Variants in MAP7D1 observed in about 807,000 individuals in gnomAD.
The protein encoded by MAP7D1 is MAP7 domain containing 1, also known as MAP7 domain-containing protein 1.
Under a neutral mutation model 97.5 loss-of-function variants are expected in MAP7D1, and 30 were observed. The observed-to-expected ratio is 0.31, with a 90% CI of 0.23 to 0.42. MAP7D1 has a LOEUF of 0.42. Among genes scored for constraint, MAP7D1 ranks in the 10% least tolerant of loss-of-function variants. The probability of loss-of-function intolerance (pLI) is 1.00; values close to 1 mark genes in which losing one functional copy is unlikely to be tolerated. For missense variants in MAP7D1, 1,184 were observed against 1,179.5 expected, an observed-to-expected ratio of 1.00 and a Z score of -0.06; for synonymous variants, 536 against 477.1, an observed-to-expected ratio of 1.12 and a Z score of -1.61.
chr1:36,176,722 A>G lies in MAP7D1; in HGVS notation c.1259A>G (p.Lys420Arg), dbSNP rs751911313. ...SPVQKKEKKD[K>R]ERENEKEKSA... ...GTGCAGAAAAAGGAGAAGAAGGACA[A>G]GGAGCGGGAAAACGAGAAGGAGAAG... The change falls in exon 8 of 17, where the codon AAG becomes AGG. Residue 420 changes from lysine (K) to arginine (R), a missense_variant. By Grantham distance (26) the Lys-to-Arg change is conservative (BLOSUM62 2). Coordinates refer to ENST00000474796, the MANE Select transcript of MAP7D1 (RefSeq NM_001388490.1). The surrounding 1 kb of genome is among the most constrained non-coding windows in gnomAD (Gnocchi z 6.1). 6.2e-7 allele frequency: 1 copy of G among 1,603,888 alleles called. No homozygotes were observed. Among genetic ancestry groups the G allele is most frequent in the East Asian group, 2.2e-5 (1 of 44,524 alleles).
In MAP7D1 at chr1:36,178,598, T is replaced by C; in HGVS notation, c.1886+2T>C. ...GAGGCTGCAGGCAGAAAGGGACAAG[T>C]GAGTGCGCCTCGGGGACTGAGGGGG... On this transcript the variant is annotated splice_donor_variant, in intron 10 of 16. Coordinates refer to ENST00000474796, the MANE Select transcript of MAP7D1 (RefSeq NM_001388490.1). LOFTEE classifies it high-confidence loss of function. 6.4e-7 allele frequency: 1 copy of C among 1,572,674 alleles called. No homozygotes were observed. The highest frequency in any genetic ancestry group is 2.3e-5 in the East Asian group (1 of 42,882).
At chr1:36,161,263 G>T in intron 1 of MAP7D1, among the ~76,000 whole-genome samples, 1 of 152,198 alleles carries the variant, frequency 6.6e-6, no homozygotes, top group African/African-American at 2.4e-5. Context: ...GCTCTGTCCA[G>T]GCCAGGGATA....
intron 1 of MAP7D1, among the ~76,000 whole-genome samples, chr1:36,165,264 C>T (rs1462177309): frequency 4.6e-5 from 7 of 152,046 alleles, no homozygotes; most frequent in South Asian, 2.1e-4. Flanking sequence ...GCTGAGACTA[C>T]AGGTGTGCAC....
At position 36,174,293 on chromosome 1, in the gene MAP7D1, C is replaced by T. The variant is rs565093406; in HGVS notation, c.740-605C>T. 9.2e-5 allele frequency among the ~76,000 whole-genome samples: 14 copies of T among 152,300 alleles called. No individual in the cohort carries two copies. In the South Asian group the frequency reaches 2.1e-3, roughly 23 times the overall value. On this transcript the variant is annotated intron_variant, in intron 5 of 16. Coordinates refer to ENST00000474796, the MANE Select transcript of MAP7D1 (RefSeq NM_001388490.1). ...TACAAATGTCATGATGAGGTTGCTT[C>T]GATCTGTTTGTGGCTTGTGTGCATC... is the stretch of plus-strand genomic sequence containing the variant.
chr1:36,180,621 G>A lies in MAP7D1; in HGVS notation c.*363G>A, dbSNP rs1378416914. ...ATAGCTTGTGCTCAGACTCCTCTGC[G>A]TGGAGAGGGTGGGTGCAGGAGGCAG... On this transcript the variant is annotated 3_prime_UTR_variant, in exon 17 of 17. Transcript: ENST00000474796. The A allele has an allele frequency of 1.9e-5, 6 of 315,954 alleles. No homozygotes were observed. Among genetic ancestry groups the A allele is most frequent in the African/African-American group, 1.1e-4 (5 of 46,674 alleles). 19.6% of individuals were successfully genotyped at this position (315,954 alleles called of 1,614,324 possible).
intron 1 of MAP7D1, among the ~76,000 whole-genome samples, chr1:36,161,908 T>A (rs1202919491): frequency 2.0e-5 from 3 of 149,816 alleles, no homozygotes; most frequent in South Asian, 2.1e-4. Flanking sequence ...TGTGTGTGTG[T>A]GTGAGAGAGA....
At chr1:36,177,847 C>T in intron 8 of MAP7D1, 26 bp from the exon 9 acceptor site, 1 of 1,524,934 alleles carries the variant, frequency 6.6e-7, no homozygotes, top group South Asian at 1.3e-5. Flanking sequence ...TGTCTCCTAA[C>T]CCTTCCCTTT....
rs185244895 is a variant in MAP7D1, at chr1:36,173,037, C to T, written c.625-327C>T. On this transcript the variant is annotated intron_variant, in intron 4 of 16. Coordinates refer to ENST00000474796, the MANE Select transcript of MAP7D1 (RefSeq NM_001388490.1). ...CCTCAGGCTAGAGGGAACACATAGC[C>T]CCAAGGTCAGGACCCTCAGTGCCTG... 3.5e-4 allele frequency among the ~76,000 whole-genome samples: 53 copies of T among 152,302 alleles called. 1 individual carries two copies. Among genetic ancestry groups the T allele is most frequent in the Non-Finnish European group, 1.5e-5 (1 of 68,018 alleles).
intron 8 of MAP7D1, among the ~76,000 whole-genome samples, chr1:36,177,306 T>C (rs921519298): frequency 1.3e-5 from 2 of 151,966 alleles, no homozygotes; most frequent in Non-Finnish European, 2.9e-5. Flanking sequence ...AGTGTTTTGG[T>C]TACTGAAGTA....
rs377326150 is a variant in MAP7D1, at chr1:36,171,541, G to C, written c.420G>C (p.Lys140Asn). 6.2e-7 allele frequency: 1 copy of C among 1,614,198 alleles called. No homozygotes were observed. The highest frequency in any genetic ancestry group is 1.1e-5 in the South Asian group (1 of 91,078). The change falls in exon 3 of 17, where the codon AAG becomes AAC. Residue 140 changes from lysine to asparagine, a missense_variant. Coordinates refer to ENST00000474796, the MANE Select transcript of MAP7D1 (RefSeq NM_001388490.1). ...QEVKKAGERH[K>N]LAKERREERA... ...TGAAGAAGGCAGGAGAGAGACACAA[G>C]CTGGCAAAGGAGCGGCGAGAAGAGC...
intron 8 of MAP7D1, 31 bp from the exon 9 acceptor site, chr1:36,177,842 C>G: frequency 6.6e-7 from 1 of 1,524,668 alleles, no homozygotes; most frequent in Non-Finnish European, 8.8e-7. Context: ...GTGTGTGTCT[C>G]CTAACCCTTC....
In MAP7D1 at chr1:36,168,468, C is replaced by T. The variant is rs938186431; in HGVS notation, c.47-2503C>T. Among the ~76,000 whole-genome samples the T allele has an allele frequency of 2.6e-5, 4 of 152,128 alleles. No individual in the cohort carries two copies. In the East Asian group the frequency reaches 7.7e-4, roughly 29 times the overall value. On this transcript the variant is annotated intron_variant, in intron 1 of 16. Transcript: ENST00000474796. ...ACTGTTAGTGAGTAGTAAGCACTCA[C>T]TAGAGTGAGTAACTGGTTTTGTTGA...
chr1:36,172,883 C>A (rs960257475), intron 4 of MAP7D1, among the ~76,000 whole-genome samples: 1 of 152,328 alleles, frequency 6.6e-6, no homozygotes, highest in East Asian at 1.9e-4. Context: ...GTACATGTAC[C>A]CCATGTGTCT....
chr1:36,171,093 A>T lies in MAP7D1; in HGVS notation c.169A>T (p.Asn57Tyr). ...CCCGGACACCCCTCCTGCCATGAAG[A>T]ATGCCACTAGCTCTAAGCAGCTCCC... ...TPPDTPPAMK[N>Y]ATSSKQLPLE... is the part of the protein sequence containing the mutation. Residue 57 changes from asparagine to tyrosine, a missense_variant, in exon 2 of 17, where the codon AAT becomes TAT. Asn to Tyr is a moderately radical substitution (Grantham distance 143, BLOSUM62 -2). Coordinates refer to ENST00000474796, the MANE Select transcript of MAP7D1 (RefSeq NM_001388490.1). The T allele has an allele frequency of 6.4e-7, 1 of 1,571,498 alleles. No homozygotes were observed. The highest frequency in any genetic ancestry group is 1.1e-5 in the South Asian group (1 of 90,464).
Position 36,176,939 on chromosome 1 carries a change from C to A in MAP7D1, c.1379+97C>A. The A allele has an allele frequency of 1.9e-6, 2 of 1,026,244 alleles. No homozygotes were observed. The highest frequency in any genetic ancestry group is 2.9e-6 in the Non-Finnish European group (2 of 694,982). 63.6% of individuals were successfully genotyped at this position (1,026,244 alleles called of 1,614,324 possible). A position where few individuals can be genotyped will look rare whatever the true frequency, so the allele number is the denominator to read the frequency against. ...GGCAACCACCTCTAGAATGCAACTTCCCTGAGGGCAGATTCTCTCTGTTTT... is the reference window on the plus strand; with the variant it reads ...GGCAACCACCTCTAGAATGCAACTTACCTGAGGGCAGATTCTCTCTGTTTT... On this transcript the variant is annotated intron_variant, in intron 8 of 16. Transcript: ENST00000474796. The surrounding 1 kb of genome is among the most constrained non-coding windows in gnomAD (Gnocchi z 6.1).
chr1:36,172,254 A>G (rs879319392), intron 3 of MAP7D1: 16 of 429,298 alleles, frequency 3.7e-5, no homozygotes, highest in Admixed American at 2.4e-4. Context: ...CATAAGGCCA[A>G]TGGAGGAGAA....
rs1272188086 is a variant in MAP7D1, at chr1:36,156,281, G to A, written c.-137G>A. The A allele has an allele frequency of 1.3e-5, 8 of 630,466 alleles. No individual in the cohort carries two copies. The highest frequency in any genetic ancestry group is 1.9e-5 in the Non-Finnish European group (8 of 418,402). 39.1% of individuals were successfully genotyped at this position (630,466 alleles called of 1,614,324 possible). A position where few individuals can be genotyped will look rare whatever the true frequency, so the allele number is the denominator to read the frequency against. ...GGGCCACCTGCCTCGACCTTCCCCGGAGCGCCCCCGCCTCCGAGTCGCTAC... is the reference window on the plus strand; with the variant it reads ...GGGCCACCTGCCTCGACCTTCCCCGAAGCGCCCCCGCCTCCGAGTCGCTAC... On this transcript the variant is annotated 5_prime_UTR_variant, in exon 1 of 17. Coordinates refer to ENST00000474796, the MANE Select transcript of MAP7D1 (RefSeq NM_001388490.1).
intron 6 of MAP7D1, 84 bp downstream of exon 6, chr1:36,175,092 G>A: frequency 1.2e-6 from 1 of 812,408 alleles, no homozygotes; most frequent in Non-Finnish European, 1.9e-6. Flanking sequence ...AGAACACCAG[G>A]TCCCTGGAGC....
In MAP7D1 at chr1:36,172,651, C is replaced by T. The variant is rs765564717; in HGVS notation, c.624+24C>T. 1.9e-6 allele frequency: 3 copies of T among 1,541,822 alleles called. No individual in the cohort carries two copies. In the South Asian group the frequency reaches 3.6e-5, roughly 18 times the overall value. On this transcript the variant is annotated intron_variant, in intron 4 of 16. Transcript: ENST00000474796. The stretch of plus-strand genomic sequence containing the variant: ...AGGTGCGGGATGGGTCTCCGTGAAT[C>T]CATGTACACGTGTGCTCACCGTCTG...
Sources: allele counts gnomAD v4.1 joint callset (sites outside exome capture counted in the v4.1 genomes callset), GRCh38; gene constraint gnomAD v4.1.1; non-coding constraint Gnocchi (gnomAD v3.1); transcripts MANE v1.5; gene names NCBI Gene and HGNC (gene_info 2026-07-23, HGNC 2026-07-21).